Variants in ANGEL1 observed in about 807,000 individuals in gnomAD.
ANGEL1 encodes RNA 2',3'-cyclic phosphatase ANGEL1.
In ANGEL1, 62 loss-of-function variants were observed where a neutral mutation model predicts 76.4. The observed-to-expected ratio is 0.81, with a 90% CI of 0.66 to 1.00. The LOEUF is 1.00. ANGEL1 is among the 50% of genes least tolerant of loss of function. The pLI is 0.00. For missense variants in ANGEL1, 737 were observed against 836.7 expected, an observed-to-expected ratio of 0.88 and a Z score of 1.47; for synonymous variants, 340 against 331.7, an observed-to-expected ratio of 1.03 and a Z score of -0.27.
intron 3 of ANGEL1, 51 bp downstream of exon 3, chr14:76,807,871 C>T (rs777274045): frequency 5.1e-6 from 8 of 1,581,482 alleles, no homozygotes; most frequent in Middle Eastern, 2.2e-4. Flanking sequence ...CACTGGGCAA[C>T]AGCCCAGGTC....
At chr14:76,789,928 G>A (rs1000207153) in intron 9 of ANGEL1, among the ~76,000 whole-genome samples, 3 of 148,248 alleles carry the variant, frequency 2.0e-5, no homozygotes, top group Admixed American at 6.7e-5. Context: ...GCAGTGGCAC[G>A]ATCTCGGCTC....
At chr14:76,812,186 G>A in intron 1 of ANGEL1, 1 of 955,330 alleles carries the variant, frequency 1.0e-6, no homozygotes, top group Non-Finnish European at 1.2e-6. Context: ...GGGAGTGGGG[G>A]CAGGAATGCT....
intron 7 of ANGEL1, among the ~76,000 whole-genome samples, chr14:76,801,664 C>T (rs1002732403): frequency 6.6e-6 from 1 of 151,900 alleles, no homozygotes; most frequent in Non-Finnish European, 1.5e-5. Context: ...GTTTGGATTT[C>T]CTTACCTTGT....
At chr14:76,799,162 C>T (rs1394055694) in intron 7 of ANGEL1, among the ~76,000 whole-genome samples, 3 of 151,068 alleles carry the variant, frequency 2.0e-5, no homozygotes, top group Non-Finnish European at 4.4e-5. Flanking sequence ...TTGAAATGCA[C>T]AGTTGGGTTG....
chr14:76,807,012 C>T (rs568049647), intron 4 of ANGEL1, among the ~76,000 whole-genome samples, 163 bp from the exon 5 acceptor site: 4 of 152,280 alleles, frequency 2.6e-5, no homozygotes, highest in African/African-American at 9.6e-5. Context: ...CCCCTTACAT[C>T]GTAACCAGCT....
At position 76,791,297 on chromosome 14, in the gene ANGEL1, C is replaced by T; in HGVS notation, c.1688G>A (p.Arg563Lys). 6.2e-7 allele frequency: 1 copy of T among 1,614,080 alleles called. No homozygotes were observed. The highest frequency in any genetic ancestry group is 1.1e-5 in the South Asian group (1 of 91,062). ...ACAGAAGAGAACTGGAGAAGGTTAC[C>T]TGGAGAAGGCAGGCTCAAGCTCCGA... ...DASELEPAFS[R>K]TVGTIQHCLH... The change falls in exon 8 of 10, where the codon AGG becomes AAG. Residue 563 changes from arginine to lysine, a missense_variant and splice_region_variant. By Grantham distance (26) the Arg-to-Lys change is conservative. This residue lies in a region of ANGEL1 where 296 missense variants were observed against 387.2 expected (regional missense o/e 0.76). Transcript: ENST00000251089.
chr14:76,803,960 G>C (rs1185136326), intron 5 of ANGEL1, 48 bp from the exon 6 acceptor site: 1 of 1,613,998 alleles, frequency 6.2e-7, no homozygotes, highest in Admixed American at 1.7e-5. Flanking sequence ...GATAGAAAAA[G>C]GAAGTAACAG....
intron 7 of ANGEL1, among the ~76,000 whole-genome samples, chr14:76,795,972 C>G (rs1253289966): frequency 1.3e-5 from 2 of 152,006 alleles, no homozygotes; most frequent in African/African-American, 4.8e-5. Context: ...TTTGAATCTT[C>G]TTTCCTTTTG....
At position 76,809,563 on chromosome 14, in the gene ANGEL1, G is replaced by A. The variant is rs754478277; in HGVS notation, c.145C>T (p.Pro49Ser). The change falls in exon 2 of 10, where the codon CCT (proline) becomes TCT (serine). Residue 49 changes from proline (P) to serine (S), a missense_variant. Physicochemically the swap from Pro to Ser is moderately conservative, Grantham distance 74. Coordinates refer to ENST00000251089, the MANE Select transcript of ANGEL1 (RefSeq NM_015305.4). ...CATTCCTCCTGCTCAGGGCCCCGAG[G>A]GGCCATGGCAAAGTCGCCCTCTACC... ...PQVEGDFAMAPRGPEQEECEG... is the reference protein window; with the variant it reads ...PQVEGDFAMASRGPEQEECEG... The A allele has an allele frequency of 6.2e-7, 1 of 1,614,066 alleles. No homozygotes were observed.
At chr14:76,797,940 CCCCCACGGTG>C (rs1186054460) in intron 7 of ANGEL1, among the ~76,000 whole-genome samples, 1 of 152,142 alleles carries the variant, frequency 6.6e-6, no homozygotes, top group East Asian at 1.9e-4. Flanking sequence ...GAAATCCTAA[CCCCCACGGTG>C]ATGAAGTGGC....
intron 7 of ANGEL1, among the ~76,000 whole-genome samples, chr14:76,793,487 AAGG>A (rs988585878): frequency 2.1e-5 from 3 of 144,830 alleles, no homozygotes; most frequent in African/African-American, 7.7e-5. Flanking sequence ...GGAGGAGAAA[AAGG>A]AGGAGGAAAA....
intron 7 of ANGEL1, among the ~76,000 whole-genome samples, chr14:76,797,562 T>C (rs1023469346): frequency 1.3e-5 from 2 of 151,990 alleles, no homozygotes; most frequent in Admixed American, 6.6e-5. Context: ...ATCGCGCCAA[T>C]GCACTCCAGC....
chr14:76,796,768 CAGAA>C (rs1894592138), intron 7 of ANGEL1, among the ~76,000 whole-genome samples: 1 of 152,178 alleles, frequency 6.6e-6, no homozygotes, highest in African/African-American at 2.4e-5. Context: ...GCTGCAGACT[CAGAA>C]AGATCAATTA....
At chr14:76,795,933 C>T (rs1894563373) in intron 7 of ANGEL1, among the ~76,000 whole-genome samples, 1 of 152,160 alleles carries the variant, frequency 6.6e-6, no homozygotes, top group Non-Finnish European at 1.5e-5. Flanking sequence ...ATGAGTTCTT[C>T]CATTTTTCTG....
chr14:76,792,189 T>C (rs1329122202), intron 7 of ANGEL1, among the ~76,000 whole-genome samples: 2 of 152,086 alleles, frequency 1.3e-5, no homozygotes, highest in Non-Finnish European at 2.9e-5. Flanking sequence ...AGACACAAAC[T>C]ATGCACAATA....
At chr14:76,803,669 A>C in intron 6 of ANGEL1, 117 bp downstream of exon 6, 1 of 1,463,624 alleles carries the variant, frequency 6.8e-7, no homozygotes, top group Non-Finnish European at 9.2e-7. Context: ...TAGTGAGAAA[A>C]CAGAGGAATC....
At chr14:76,798,900 CTG>C (rs1290564857) in intron 7 of ANGEL1, among the ~76,000 whole-genome samples, 2 of 143,720 alleles carry the variant, frequency 1.4e-5, no homozygotes, top group East Asian at 2.1e-4. Flanking sequence ...TAAGCCAAGA[CTG>C]TGTCACGGCA....
Position 76,806,764 on chromosome 14 carries a change from G to C in ANGEL1, c.1032C>G (p.Leu344=), listed in dbSNP as rs768146827. 5 of 1,614,094 alleles carry C rather than the reference G, an allele frequency of 3.1e-6. No homozygotes were observed. The East Asian group carries it at 6.7e-5, about 22-fold the overall frequency. ...GGAAGTACTCCACAGGGCTAGCACA[G>C]AGCAGGCGGAATCTGGTAGGCTTGT... ...VCYKPTRFRL[L]CASPVEYFRP... is the part of the protein sequence containing the mutation. The change falls in exon 5 of 10, where the codon CTC becomes CTG. Residue 344 remains leucine (L), a synonymous_variant. Coordinates refer to ENST00000251089, the MANE Select transcript of ANGEL1 (RefSeq NM_015305.4).
Position 76,812,831 on chromosome 14 carries a change from CG to C in ANGEL1, c.-5del. On this transcript the variant is annotated 5_prime_UTR_variant, in exon 1 of 10. Coordinates refer to ENST00000251089, the MANE Select transcript of ANGEL1 (RefSeq NM_015305.4). ...AACACAAGCACGACGCGATCATGGCCGGCCGCCCGCGCCCGCCTCCGCTCCT... is the reference window on the plus strand; with the variant it reads ...AACACAAGCACGACGCGATCATGGCCGCCGCCCGCGCCCGCCTCCGCTCCT... The C allele has an allele frequency of 1.3e-6, 2 of 1,509,494 alleles. No homozygotes were observed. Among genetic ancestry groups the C allele is most frequent in the African/African-American group, 1.4e-5 (1 of 69,820 alleles). 93.5% of individuals were successfully genotyped at this position (1,509,494 alleles called of 1,614,324 possible).
Sources: gnomAD v4.1 joint callset for allele counts (sites outside exome capture counted in the v4.1 genomes callset) on GRCh38, gnomAD v4.1.1 for gene constraint, gnomAD v4.1.1 regional missense constraint, MANE v1.5 for transcripts, NCBI Gene and HGNC (gene_info 2026-07-23, HGNC 2026-07-21) for gene names.